The following ANKS1B variants were observed in gnomAD, a reference collection of about 807,000 sequenced individuals.
ANKS1B encodes ankyrin repeat and sterile alpha motif domain containing 1B, also known as ankyrin repeat and sterile alpha motif domain-containing protein 1B.
Under a neutral mutation model 148.3 loss-of-function variants are expected in ANKS1B, and 36 were observed. The ratio of observed to expected loss-of-function variants is 0.24; its 90% CI spans 0.19 to 0.32. The LOEUF is 0.32. Among genes scored for constraint, ANKS1B ranks in the 10% least tolerant of loss-of-function variants. The pLI is 1.00. For synonymous variants in ANKS1B, 542 were observed against 560.8 expected, an observed-to-expected ratio of 0.97 and a Z score of 0.47; for missense variants, 1,157 against 1,542.6, an observed-to-expected ratio of 0.75 and a Z score of 4.19.
At chr12:99,337,704 A>G (rs941506912) in intron 12 of ANKS1B, among the ~76,000 whole-genome samples, 1 of 152,210 alleles carries the variant, frequency 6.6e-6, no homozygotes, top group African/African-American at 2.4e-5. Flanking sequence ...TACTGCAGCC[A>G]TATCTGCATT....
chr12:99,041,830 G>A (rs964799189), intron 17 of ANKS1B, among the ~76,000 whole-genome samples: 4 of 152,064 alleles, frequency 2.6e-5, no homozygotes, highest in African/African-American at 7.2e-5. Flanking sequence ...AGGAAACACC[G>A]TCTCTACAAA....
intron 11 of ANKS1B, 82 bp downstream of exon 11, chr12:99,443,591 G>T: frequency 7.1e-7 from 1 of 1,409,424 alleles, no homozygotes; most frequent in South Asian, 1.4e-5. Flanking sequence ...AACAGTCCAG[G>T]CATTGCAATA....
chr12:99,336,700 T>C (rs866660579), intron 12 of ANKS1B, among the ~76,000 whole-genome samples: 4 of 152,106 alleles, frequency 2.6e-5, no homozygotes, highest in African/African-American at 9.7e-5. Context: ...TATTTCTGGG[T>C]TCTCTATTCT....
rs1472689210 is a variant in ANKS1B, at chr12:99,890,569, TGGTGTGTGTGTGTGTGTGTG to T, written c.135-65200_135-65181del. 6.1e-3 allele frequency among the ~76,000 whole-genome samples: 705 copies of T among 115,672 alleles called. 9 individuals are homozygous for T. The highest frequency in any genetic ancestry group is 0.022 in the African/African-American group (659 of 29,862). 75.9% of individuals were successfully genotyped at this position (115,672 alleles called of 152,430 possible). ...TAAGTCTCTTTCTCACTCGCATTCA[TGGTGTGTGTGTGTGTGTGTG>T]TGTGTGTGTGTGTGTGTGTGTGTGT... On this transcript the variant is annotated intron_variant, in intron 1 of 26. Coordinates refer to ENST00000683438, the MANE Select transcript of ANKS1B (RefSeq NM_001352186.2).
Position 99,128,155 on chromosome 12 carries a change from C to T in ANKS1B, c.2526+26134G>A, listed in dbSNP as rs967630174. Reference sequence around the variant, plus strand: ...CCATTCAAACAGATTCATATTAGCCCTCAGCGTGGCTAATGGCTTCATCTC... The same window carrying T: ...CCATTCAAACAGATTCATATTAGCCTTCAGCGTGGCTAATGGCTTCATCTC... On this transcript the variant is annotated intron_variant, in intron 15 of 26. Transcript: ENST00000683438. 2.0e-5 allele frequency among the ~76,000 whole-genome samples: 3 copies of T among 152,140 alleles called. No homozygotes were observed. The South Asian group carries it at 6.2e-4, about 32-fold the overall frequency.
intron 1 of ANKS1B, among the ~76,000 whole-genome samples, chr12:99,949,309 A>T (rs1296164059): frequency 6.6e-6 from 1 of 152,174 alleles, no homozygotes. Context: ...ACTTGGAAAG[A>T]TATACACAGT....
chr12:99,274,763 T>C (rs1036527817), intron 12 of ANKS1B, among the ~76,000 whole-genome samples: 1 of 152,242 alleles, frequency 6.6e-6, no homozygotes, highest in Non-Finnish European at 1.5e-5. Context: ...CCTCTATTGT[T>C]ACATAAAATA....
chr12:99,795,312 T>C (rs929836698), intron 4 of ANKS1B, among the ~76,000 whole-genome samples: 12 of 151,844 alleles, frequency 7.9e-5, no homozygotes, highest in African/African-American at 2.9e-4. Context: ...ATTAGATCAA[T>C]AGCGGACTTC....
chr12:99,566,879 G>A (rs926909511), intron 9 of ANKS1B, among the ~76,000 whole-genome samples: 1 of 152,170 alleles, frequency 6.6e-6, no homozygotes, highest in Non-Finnish European at 1.5e-5. Flanking sequence ...CCTCTATCAT[G>A]TTCTGCAAAC....
chr12:99,467,790 G>T (rs2096153759), intron 10 of ANKS1B, among the ~76,000 whole-genome samples: 1 of 152,086 alleles, frequency 6.6e-6, no homozygotes, highest in African/African-American at 2.4e-5. Flanking sequence ...AAATAAAAGA[G>T]GATACAAAGA....
chr12:99,390,460 A>G lies in ANKS1B; in HGVS notation c.1756+9171T>C, dbSNP rs12578489. On this transcript the variant is annotated intron_variant, in intron 12 of 26. Coordinates refer to ENST00000683438, the MANE Select transcript of ANKS1B (RefSeq NM_001352186.2). ...ATGAGAAGCCCATCCCAGAAGAGAA[A>G]GGACATACCAGCTTCTGGAGAATTT... 3.8e-3 allele frequency among the ~76,000 whole-genome samples: 581 copies of G among 152,306 alleles called. 37 individuals carry two copies. In the East Asian group the frequency reaches 0.086, roughly 23 times the overall value.
In ANKS1B at chr12:99,516,756, T is replaced by A. The variant is rs543851179; in HGVS notation, c.1273-12115A>T. Among the ~76,000 whole-genome samples the A allele has an allele frequency of 1.2e-3, 187 of 149,648 alleles. 4 individuals are homozygous for A. In the East Asian group the frequency reaches 0.021, roughly 17 times the overall value. Reference sequence around the variant, plus strand: ...CCTGGAATTTAAAATAAAATTAATTTAAAAAAAAAAGACTGTTTTTTTCCC... The same window carrying A: ...CCTGGAATTTAAAATAAAATTAATTAAAAAAAAAAAGACTGTTTTTTTCCC... On this transcript the variant is annotated intron_variant, in intron 9 of 26. Transcript: ENST00000683438.
At chr12:99,107,522 T>C (rs1241755966) in intron 15 of ANKS1B, among the ~76,000 whole-genome samples, 1 of 152,268 alleles carries the variant, frequency 6.6e-6, no homozygotes, top group Non-Finnish European at 1.5e-5. Flanking sequence ...GGCATTCCTT[T>C]TTGGAACATT....
chr12:99,360,206 G>A (rs75745944), intron 12 of ANKS1B, among the ~76,000 whole-genome samples: 4,391 of 152,144 alleles, frequency 0.029, 211 homozygotes, highest in African/African-American at 0.094. Context: ...ATCCATCTTT[G>A]TCACTAACAG....
chr12:99,549,546 G>A (rs2097199964), intron 9 of ANKS1B, among the ~76,000 whole-genome samples: 1 of 151,864 alleles, frequency 6.6e-6, no homozygotes, highest in Non-Finnish European at 1.5e-5. Flanking sequence ...CATAATTTCT[G>A]TTATTCAACA....
intron 17 of ANKS1B, among the ~76,000 whole-genome samples, chr12:99,027,561 GCTT>G (rs1263767031): frequency 1.3e-5 from 2 of 152,186 alleles, no homozygotes; most frequent in Admixed American, 1.3e-4. Context: ...ATATTATACT[GCTT>G]TCTTTAATAG....
chr12:99,306,437 C>T (rs910154439), intron 12 of ANKS1B, among the ~76,000 whole-genome samples: 10 of 151,888 alleles, frequency 6.6e-5, no homozygotes, highest in Non-Finnish European at 1.2e-4. Context: ...TGTCTCCCTA[C>T]CCCCACCCCC....
At chr12:99,318,463 A>G (rs567277642) in intron 12 of ANKS1B, among the ~76,000 whole-genome samples, 1 of 152,072 alleles carries the variant, frequency 6.6e-6, no homozygotes, top group African/African-American at 2.4e-5. Flanking sequence ...AGAGGTGTTT[A>G]TAGTGTTCTT....
At chr12:99,277,443 G>T (rs1300670560) in intron 12 of ANKS1B, among the ~76,000 whole-genome samples, 1 of 152,184 alleles carries the variant, frequency 6.6e-6, no homozygotes, top group Non-Finnish European at 1.5e-5. Context: ...GATTTTACCA[G>T]CAGAAAAGGG....
Sources: gnomAD v4.1 joint callset for allele counts (sites outside exome capture counted in the v4.1 genomes callset) on GRCh38, gnomAD v4.1.1 for gene constraint, MANE v1.5 for transcripts, NCBI Gene and HGNC (gene_info 2026-07-23, HGNC 2026-07-21) for gene names.